Variants in NAV1 observed in about 807,000 individuals in gnomAD.
NAV1 encodes pore membrane and/or filament interacting like protein 3.
A neutral mutation model predicts 175.2 loss-of-function variants in NAV1; 18 were observed. The observed-to-expected ratio is 0.10, with a 90% CI of 0.07 to 0.15. The LOEUF (loss-of-function observed/expected upper bound fraction) is 0.15. Ranked by LOEUF, NAV1 falls within the 10% of genes least tolerant of loss-of-function variation. NAV1 has a pLI of 1.00. For synonymous variants in NAV1, 897 were observed against 978.7 expected (o/e 0.92, Z 1.56); for missense variants, 1,731 against 2,436.6 (o/e 0.71, Z 6.10).
At chr1:201,564,145 GAA>G (rs554464854) in intron 1 of NAV1, among the ~76,000 whole-genome samples, 3 of 151,584 alleles carry the variant, frequency 2.0e-5, no homozygotes, top group African/African-American at 7.3e-5. Flanking sequence ...GAGGGAGGAA[GAA>G]AGGAAGGAAG....
intron 1 of NAV1, among the ~76,000 whole-genome samples, chr1:201,693,783 C>T (rs1671062318): frequency 6.6e-6 from 1 of 152,158 alleles, no homozygotes; most frequent in African/African-American, 2.4e-5. Flanking sequence ...ATGTGGGACA[C>T]TCATGGAAGA....
rs115269410 is a variant in NAV1 at position 201,658,548 on chromosome 1, A to G, written c.757+9123A>G. The stretch of plus-strand genomic sequence containing the variant: ...GATGAGTCCTGTCTGGCTTAGAGAG[A>G]TGGAAAAGGTGGTGAAAGAGGAGAT... On this transcript the variant is annotated intron_variant, in intron 1 of 29. Transcript: ENST00000367296. 9.9e-3 allele frequency among the ~76,000 whole-genome samples: 1,506 copies of G among 152,146 alleles called. 32 individuals carry two copies. Among genetic ancestry groups the G allele is most frequent in the African/African-American group, 0.034 (1,419 of 41,494 alleles).
chr1:201,670,380 C>CAAAAAAA lies in NAV1; in HGVS notation c.757+20977_757+20983dup, dbSNP rs58216500. On this transcript the variant is annotated intron_variant, in intron 1 of 29. Transcript: ENST00000367296. ...TGGGCGACAGAGCGAGACTCCATCT[C>CAAAAAAA]AAAAAAAAAAAAAAAAAAAAAAAAA... Among the ~76,000 whole-genome samples, 41 of 12,184 alleles carry CAAAAAAA rather than the reference C, an allele frequency of 3.4e-3. 3 individuals are homozygous for CAAAAAAA. Among genetic ancestry groups the CAAAAAAA allele is most frequent in the African/African-American group, 0.011 (39 of 3,546 alleles). The allele number at this position is 12,184 out of a possible 152,430, so 8.0% of individuals were successfully genotyped here.
Position 201,593,473 on chromosome 1 carries a change from G to A in NAV1, c.-33+4824G>A, listed in dbSNP as rs144574142. Among the ~76,000 whole-genome samples, 358 of 152,338 alleles carry A rather than the reference G, an allele frequency of 2.4e-3. 2 individuals are homozygous for A. Among genetic ancestry groups the A allele is most frequent in the African/African-American group, 8.3e-3 (345 of 41,566 alleles). On this transcript the variant is annotated intron_variant, in intron 2 of 33. Coordinates refer to the NAV1 transcript ENST00000685211. ...GCTGCATTCAACTTTCCTGCAATTA[G>A]TCTGGCCCTGGGGCAGCAGTTAGAC...
intron 1 of NAV1, chr1:201,673,936 A>G (rs1439396071): frequency 1.3e-5 from 2 of 152,298 alleles, no homozygotes; most frequent in Non-Finnish European, 2.9e-5. Flanking sequence ...CTTCATCTGA[A>G]GGTAGGGCCC....
chr1:201,691,748 A>C (rs1424898808), intron 1 of NAV1, among the ~76,000 whole-genome samples: 1 of 152,166 alleles, frequency 6.6e-6, no homozygotes, highest in Non-Finnish European at 1.5e-5. Context: ...GAAGGAAAGG[A>C]AAAGGAGTGG....
At chr1:201,573,615 C>T (rs1340745049) in intron 1 of NAV1, among the ~76,000 whole-genome samples, 1 of 152,196 alleles carries the variant, frequency 6.6e-6, no homozygotes, top group East Asian at 1.9e-4. Context: ...TCTTCTGCTC[C>T]AGGCCTGCCT....
chr1:201,583,410 T>A (rs1360289336), intron 1 of NAV1, among the ~76,000 whole-genome samples: 1 of 152,218 alleles, frequency 6.6e-6, no homozygotes, highest in African/African-American at 2.4e-5. Flanking sequence ...TCTCTCCCGC[T>A]CCCATTATCT....
chr1:201,790,837 A>C (rs1170397676), intron 13 of NAV1, 71 bp downstream of exon 17: 2 of 1,497,018 alleles, frequency 1.3e-6, no homozygotes, highest in Non-Finnish European at 9.3e-7. Context: ...CAGCCAAGGG[A>C]GGAAAACTAC....
intron 29 of NAV1, 98 bp downstream of exon 33, chr1:201,817,383 G>A (rs1679108150): frequency 2.7e-6 from 3 of 1,112,520 alleles, no homozygotes; most frequent in Admixed American, 2.4e-5. Flanking sequence ...CACTTTGAGA[G>A]GCTGAGGTGG....
intron 3 of NAV1, among the ~76,000 whole-genome samples, chr1:201,758,851 A>G (rs1447527244): frequency 6.6e-6 from 1 of 152,198 alleles, no homozygotes; most frequent in Non-Finnish European, 1.5e-5. Context: ...TAGTGGTTAA[A>G]AACAGTCTTT....
exon 16 of NAV1, chr1:201,803,665 T>C: frequency 6.2e-7 from 1 of 1,613,574 alleles, no homozygotes; most frequent in Non-Finnish European, 8.5e-7. Flanking sequence ...CATTCCAGCA[T>C]CGGCAGCAGC....
intron 3 of NAV1, among the ~76,000 whole-genome samples, chr1:201,777,717 A>G (rs928720711): frequency 6.6e-6 from 1 of 152,054 alleles, no homozygotes; most frequent in African/African-American, 2.4e-5. Context: ...TTGGGAGGCC[A>G]AGGTGGGTGG....
chr1:201,749,606 A>G (rs981627820), intron 3 of NAV1, among the ~76,000 whole-genome samples: 1 of 152,244 alleles, frequency 6.6e-6, no homozygotes, highest in Non-Finnish European at 1.5e-5. Flanking sequence ...TTGAACTTGG[A>G]TAATATAATT....
At chr1:201,563,736 T>C (rs938707272) in intron 1 of NAV1, among the ~76,000 whole-genome samples, 1 of 152,192 alleles carries the variant, frequency 6.6e-6, no homozygotes. Flanking sequence ...GGCAGAATGC[T>C]GTGGCCCTGA....
chr1:201,690,768 G>A (rs1297368222), intron 1 of NAV1, among the ~76,000 whole-genome samples: 1 of 151,246 alleles, frequency 6.6e-6, no homozygotes, highest in Non-Finnish European at 1.5e-5. Flanking sequence ...CCGTGGCAGT[G>A]TGTGTGTCTG....
Position 201,744,135 on chromosome 1 carries a change from G to A in NAV1, c.1226+25380G>A, listed in dbSNP as rs185115075. ...TGACCTCAGGTGATCCACCCGCCTC[G>A]TCCTCCCAAAGTGCTGGGATTACAG... On this transcript the variant is annotated intron_variant, in intron 3 of 29. Transcript: ENST00000367296. 4.7e-4 allele frequency among the ~76,000 whole-genome samples: 71 copies of A among 152,122 alleles called. 1 individual carries two copies. Among genetic ancestry groups the A allele is most frequent in the African/African-American group, 1.7e-3 (69 of 41,496 alleles).
At chr1:201,800,466 CCA>C (rs1329746676) in intron 15 of NAV1, among the ~76,000 whole-genome samples, 1 of 152,216 alleles carries the variant, frequency 6.6e-6, no homozygotes, top group Non-Finnish European at 1.5e-5. Flanking sequence ...GGAAACACAG[CCA>C]CACTCATTAA....
intron 1 of NAV1, among the ~76,000 whole-genome samples, chr1:201,698,141 C>T (rs1453442000): frequency 6.6e-6 from 1 of 152,216 alleles, no homozygotes; most frequent in African/African-American, 2.4e-5. Flanking sequence ...AGGCTGTATC[C>T]TTCCTGAACC....
Sources: allele counts gnomAD v4.1 joint callset (sites outside exome capture counted in the v4.1 genomes callset), GRCh38; gene constraint gnomAD v4.1.1; transcripts MANE v1.5; gene names NCBI Gene and HGNC (gene_info 2026-07-23, HGNC 2026-07-21).